Variants in VPS50 observed in about 807,000 individuals in gnomAD.
VPS50 encodes the protein syndetin.
VPS50 carries 70 observed loss-of-function variants against 139.7 expected under a neutral mutation model. The observed-to-expected ratio is 0.50, with a 90% CI of 0.41 to 0.61. The LOEUF (loss-of-function observed/expected upper bound fraction) is 0.61, where lower values mean the gene tolerates loss of function less well. Among genes scored for constraint, VPS50 ranks in the 20% least tolerant of loss-of-function variants. The pLI, the probability that VPS50 is intolerant of heterozygous loss-of-function variation, is 0.00. For synonymous variants in VPS50, 365 were observed against 376.7 expected (o/e 0.97, Z 0.36); for missense variants, 921 against 1,133.7 (o/e 0.81, Z 2.69).
At chr7:93,283,092 C>A (rs1055121744) in intron 12 of VPS50, among the ~76,000 whole-genome samples, 3 of 151,940 alleles carry the variant, frequency 2.0e-5, no homozygotes, top group Admixed American at 2.0e-4. Flanking sequence ...AAATTTTATT[C>A]TACTTGCAAA....
Position 93,341,472 on chromosome 7 carries a change from A to G in VPS50, c.2104A>G (p.Arg702Gly), listed in dbSNP as rs1798208653. The G allele has an allele frequency of 5.0e-6, 8 of 1,612,952 alleles. No individual in the cohort carries two copies. The highest frequency in any genetic ancestry group is 6.8e-6 in the Non-Finnish European group (8 of 1,179,440). The change falls in exon 23 of 28, where the codon AGA (arginine) becomes GGA (glycine). Residue 702 changes from arginine (R) to glycine (G), a missense_variant. Arg to Gly is a moderately radical substitution (Grantham distance 125). This residue lies in a region of VPS50 where 744 missense variants were observed against 930.6 expected (regional missense o/e 0.80). Coordinates refer to ENST00000305866, the MANE Select transcript of VPS50 (RefSeq NM_017667.4). ...TGCCACACTCACAGCAGCAGAAGAA[A>G]GAAAGGAGAAGGTGCCAAGTCCACA... ...PTATLTAAEE[R>G]KEKVPSPHLS...
intron 17 of VPS50, among the ~76,000 whole-genome samples, chr7:93,305,476 CTT>C (rs1261927229): frequency 6.6e-6 from 1 of 151,796 alleles, no homozygotes; most frequent in Non-Finnish European, 1.5e-5. Context: ...TCATAAATGA[CTT>C]TATTGATTAG....
rs1475668606 is a variant in VPS50 at position 93,357,243 on chromosome 7, A to T, written c.2776-1074A>T. Reference sequence around the variant, plus strand: ...AGCCAAGGAGGAAAGGCACAGCTCTATTCGATGCAAGAATGATGCCCGTTT... The same window carrying T: ...AGCCAAGGAGGAAAGGCACAGCTCTTTTCGATGCAAGAATGATGCCCGTTT... On this transcript the variant is annotated intron_variant, in intron 27 of 27. Transcript: ENST00000305866. 2.0e-5 allele frequency among the ~76,000 whole-genome samples: 3 copies of T among 152,300 alleles called. No homozygotes were observed. The East Asian group carries it at 5.8e-4, about 29-fold the overall frequency.
intron 21 of VPS50, among the ~76,000 whole-genome samples, chr7:93,333,607 G>A (rs1797995224): frequency 6.6e-6 from 1 of 152,126 alleles, no homozygotes; most frequent in Admixed American, 6.5e-5. Flanking sequence ...TGGCTTTGTT[G>A]TAGTGAATAG....
intron 1 of VPS50, 60 bp downstream of exon 1, chr7:93,232,560 T>A (rs1794665752): frequency 7.0e-7 from 1 of 1,432,242 alleles, no homozygotes; most frequent in Non-Finnish European, 9.8e-7. Context: ...GGAGCCGAGA[T>A]GTTCTGTCCC....
intron 23 of VPS50, among the ~76,000 whole-genome samples, chr7:93,344,967 A>C (rs1447836511): frequency 1.3e-5 from 2 of 152,210 alleles, no homozygotes; most frequent in Non-Finnish European, 2.9e-5. Flanking sequence ...AAGGCAAGAA[A>C]TAACTAAAAT....
chr7:93,272,981 T>C (rs2116885782), intron 11 of VPS50: 1 of 223,940 alleles, frequency 4.5e-6, no homozygotes, highest in African/African-American at 2.3e-5. Context: ...TTCACAATTT[T>C]ATGTAGATTT....
At chr7:93,312,422 T>C (rs1797296154) in intron 20 of VPS50, among the ~76,000 whole-genome samples, 1 of 152,174 alleles carries the variant, frequency 6.6e-6, no homozygotes, top group Non-Finnish European at 1.5e-5. Flanking sequence ...GGTAGCTGTC[T>C]AGCTTCTGTT....
chr7:93,283,219 T>C (rs1353088669), intron 12 of VPS50, among the ~76,000 whole-genome samples: 2 of 151,550 alleles, frequency 1.3e-5, no homozygotes, highest in East Asian at 3.9e-4. Context: ...TGAGCTTTTT[T>C]CTTTTTCTTT....
In VPS50 at chr7:93,261,625, C is replaced by T. The variant is rs1170504907; in HGVS notation, c.659+1993C>T. On this transcript the variant is annotated intron_variant, in intron 9 of 27. Coordinates refer to ENST00000305866, the MANE Select transcript of VPS50 (RefSeq NM_017667.4). ...CCTGGGAGGCAGAGCTTGCAGTGAG[C>T]CGAGATTGCGCCACTGCACTCCCAC... is the stretch of plus-strand genomic sequence containing the variant. 3.4e-5 allele frequency among the ~76,000 whole-genome samples: 5 copies of T among 147,080 alleles called. No homozygotes were observed. In the South Asian group the frequency reaches 6.5e-4, roughly 19 times the overall value.
intron 9 of VPS50, 49 bp from the exon 10 acceptor site, chr7:93,271,171 T>A: frequency 1.3e-6 from 2 of 1,555,036 alleles, no homozygotes. Flanking sequence ...TATTTAGCAC[T>A]TAGTTTGTCT....
At chr7:93,241,142 A>G (rs1343945596) in intron 2 of VPS50, among the ~76,000 whole-genome samples, 2 of 152,174 alleles carry the variant, frequency 1.3e-5, no homozygotes, top group Non-Finnish European at 2.9e-5. Flanking sequence ...TGCAGAATCA[A>G]TGTCAAATTG....
intron 3 of VPS50, among the ~76,000 whole-genome samples, chr7:93,253,545 G>A (rs948550913): frequency 2.0e-5 from 3 of 152,224 alleles, no homozygotes; most frequent in Non-Finnish European, 4.4e-5. Flanking sequence ...GTCACAGGCC[G>A]TGGCAGCAGT....
chr7:93,295,017 GA>G (rs1277030717), intron 14 of VPS50, among the ~76,000 whole-genome samples: 5 of 152,018 alleles, frequency 3.3e-5, no homozygotes, highest in African/African-American at 9.7e-5. Context: ...TAACTAAGTA[GA>G]TAGCATACTT....
chr7:93,269,856 T>C (rs935382860), intron 9 of VPS50, among the ~76,000 whole-genome samples: 11 of 152,102 alleles, frequency 7.2e-5, no homozygotes, highest in Admixed American at 2.6e-4. Context: ...TCTTCTGTTA[T>C]AGACACTGGA....
chr7:93,232,856 G>A (rs575347772), intron 1 of VPS50, among the ~76,000 whole-genome samples: 29 of 152,278 alleles, frequency 1.9e-4, no homozygotes, highest in Non-Finnish European at 3.5e-4. Context: ...GATAGCCTGG[G>A]TAGGGTGGTG....
At chr7:93,296,649 CT>C in intron 14 of VPS50, 92 bp from the exon 15 acceptor site, 1 of 1,509,294 alleles carries the variant, frequency 6.6e-7, no homozygotes, top group Non-Finnish European at 8.8e-7. Flanking sequence ...ATATTCCTGT[CT>C]CATTTTAATC....
chr7:93,338,139 A>G (rs1584483974), intron 22 of VPS50, among the ~76,000 whole-genome samples: 6 of 152,124 alleles, frequency 3.9e-5, no homozygotes, highest in African/African-American at 1.4e-4. Flanking sequence ...AGTTGAGAGC[A>G]CTCTAAGAGG....
At chr7:93,272,606 A>G (rs185400541) in intron 10 of VPS50, 29 bp from the exon 11 acceptor site, 2 of 954,590 alleles carry the variant, frequency 2.1e-6, no homozygotes, top group African/African-American at 1.7e-5. Flanking sequence ...TTCCTTAACC[A>G]TGTCTTGCTT....
Sources: gnomAD v4.1 joint callset for allele counts (sites outside exome capture counted in the v4.1 genomes callset) on GRCh38, gnomAD v4.1.1 for gene constraint, gnomAD v4.1.1 regional missense constraint, MANE v1.5 for transcripts, NCBI Gene and HGNC (gene_info 2026-07-23, HGNC 2026-07-21) for gene names.